Variants in DOCK3 observed in about 807,000 individuals in gnomAD.
The protein encoded by DOCK3 is dedicator of cytokinesis 3.
A neutral mutation model predicts 265.6 loss-of-function variants in DOCK3; 60 were observed. The ratio of observed to expected loss-of-function variants is 0.23; its 90% CI spans 0.18 to 0.28. The LOEUF is 0.28. Ranked by LOEUF, DOCK3 falls within the 10% of genes least tolerant of loss-of-function variation. DOCK3 has a pLI of 1.00. For missense variants in DOCK3, 1,981 were observed against 2,594.3 expected (o/e 0.76, Z 5.14); for synonymous variants, 881 against 938.0 (o/e 0.94, Z 1.11).
intron 5 of DOCK3, among the ~76,000 whole-genome samples, chr3:51,002,026 A>G (rs373899325): frequency 6.6e-6 from 1 of 151,944 alleles, no homozygotes; most frequent in Non-Finnish European, 1.5e-5. Context: ...GCTCACTGCC[A>G]TCTCAAACTC....
intron 1 of DOCK3, among the ~76,000 whole-genome samples, chr3:50,722,247 G>A (rs1420291004): frequency 2.0e-5 from 3 of 152,184 alleles, no homozygotes; most frequent in African/African-American, 7.2e-5. Context: ...AAAGCCTGGG[G>A]CATACAAGGC....
chr3:50,778,295 ATTTG>A (rs930139490), intron 1 of DOCK3, among the ~76,000 whole-genome samples: 1 of 152,086 alleles, frequency 6.6e-6, no homozygotes, highest in Admixed American at 6.6e-5. Context: ...AAAAATATCT[ATTTG>A]TTTGCTTGTG....
At position 51,338,691 on chromosome 3, in the gene DOCK3, C is replaced by T. The variant is rs535834758; in HGVS notation, c.3673-244C>T. On this transcript the variant is annotated intron_variant, in intron 36 of 52. Coordinates refer to ENST00000266037, the MANE Select transcript of DOCK3 (RefSeq NM_004947.5). ...CTGACATACCCAATTCACAGTCAACCCTGACTCCTGATCTGCCCTGATGCT... is the reference window on the plus strand; with the variant it reads ...CTGACATACCCAATTCACAGTCAACTCTGACTCCTGATCTGCCCTGATGCT... 3.9e-5 allele frequency among the ~76,000 whole-genome samples: 6 copies of T among 152,310 alleles called. No homozygotes were observed. In the East Asian group the frequency reaches 1.2e-3, roughly 29 times the overall value.
At chr3:50,880,812 G>A (rs1250026405) in intron 3 of DOCK3, among the ~76,000 whole-genome samples, 2 of 152,160 alleles carry the variant, frequency 1.3e-5, no homozygotes, top group Non-Finnish European at 2.9e-5. Context: ...AAGCCGGGCA[G>A]AGACACAACC....
Position 51,096,148 on chromosome 3 carries a change from T to G in DOCK3, c.746+5764T>G, listed in dbSNP as rs1006642205. Among the ~76,000 whole-genome samples, 9 of 152,260 alleles carry G rather than the reference T, an allele frequency of 5.9e-5. No homozygotes were observed. In the South Asian group the frequency reaches 8.3e-4, roughly 14 times the overall value. On this transcript the variant is annotated intron_variant, in intron 9 of 52. Transcript: ENST00000266037. ...CTTCTCAAGGAGTATCTTTGTGGTG[T>G]TCTCTATATTTCCTGAATTTGAATG...
intron 32 of DOCK3, among the ~76,000 whole-genome samples, chr3:51,328,304 T>A (rs1335938464): frequency 6.6e-6 from 1 of 152,168 alleles, no homozygotes; most frequent in Non-Finnish European, 1.5e-5. Flanking sequence ...TACCACCATG[T>A]GTGAAGAGAG....
intron 2 of DOCK3, among the ~76,000 whole-genome samples, chr3:50,809,810 T>A (rs970489698): frequency 6.6e-6 from 1 of 152,178 alleles, no homozygotes; most frequent in Admixed American, 6.5e-5. Context: ...TTATTATGAT[T>A]TTGTGTACAA....
chr3:51,065,828 G>A (rs1031147883), intron 6 of DOCK3, among the ~76,000 whole-genome samples: 1 of 152,156 alleles, frequency 6.6e-6, no homozygotes, highest in African/African-American at 2.4e-5. Context: ...TTTTAAGTTT[G>A]AATGGACAAT....
intron 5 of DOCK3, among the ~76,000 whole-genome samples, chr3:50,976,025 TTCTC>T (rs370176909): frequency 2.6e-5 from 4 of 151,764 alleles, no homozygotes; most frequent in Admixed American, 6.6e-5. Context: ...TATTTGATTC[TTCTC>T]TCTTTTTTTC....
intron 4 of DOCK3, among the ~76,000 whole-genome samples, chr3:50,905,396 A>G (rs976919657): frequency 6.6e-6 from 1 of 152,130 alleles, no homozygotes; most frequent in Non-Finnish European, 1.5e-5. Flanking sequence ...ATCCATGAGC[A>G]TGGAATGTTC....
chr3:50,929,081 G>A (rs2050921158), intron 4 of DOCK3, among the ~76,000 whole-genome samples: 1 of 152,170 alleles, frequency 6.6e-6, no homozygotes. Flanking sequence ...AACTTACAGT[G>A]GGTTTATGAG....
At chr3:51,153,165 C>T (rs1356298113) in intron 10 of DOCK3, among the ~76,000 whole-genome samples, 1 of 152,226 alleles carries the variant, frequency 6.6e-6, no homozygotes, top group East Asian at 1.9e-4. Context: ...CCCGTTGGAG[C>T]TTCCCCAGCC....
intron 40 of DOCK3, among the ~76,000 whole-genome samples, chr3:51,354,288 G>T (rs1224541347): frequency 2.6e-5 from 4 of 151,158 alleles, no homozygotes; most frequent in African/African-American, 9.8e-5. Context: ...TTGGAGTCAG[G>T]GTCAGGGTAT....
chr3:51,163,119 T>C (rs1414237366), intron 12 of DOCK3, among the ~76,000 whole-genome samples: 1 of 152,250 alleles, frequency 6.6e-6, no homozygotes, highest in Non-Finnish European at 1.5e-5. Context: ...GTTGGTTAGA[T>C]TGAATTGGAA....
chr3:50,780,989 G>A (rs2041879387), intron 2 of DOCK3, among the ~76,000 whole-genome samples: 1 of 151,928 alleles, frequency 6.6e-6, no homozygotes, highest in African/African-American at 2.4e-5. Flanking sequence ...CAGGACTTCA[G>A]TATTTTTTAT....
At chr3:51,209,070 A>G (rs1474520481) in intron 13 of DOCK3, among the ~76,000 whole-genome samples, 2 of 152,170 alleles carry the variant, frequency 1.3e-5, no homozygotes, top group Non-Finnish European at 2.9e-5. Flanking sequence ...TTTTTCTATG[A>G]TGAGTTCCAT....
intron 12 of DOCK3, among the ~76,000 whole-genome samples, chr3:51,202,266 G>A (rs1477498337): frequency 1.3e-4 from 19 of 150,006 alleles, no homozygotes; most frequent in African/African-American, 4.4e-4. Context: ...TTGATAGACT[G>A]CTAGCAAGAC....
chr3:51,178,240 G>A (rs1322701437), intron 12 of DOCK3, among the ~76,000 whole-genome samples: 1 of 152,134 alleles, frequency 6.6e-6, no homozygotes, highest in East Asian at 1.9e-4. Flanking sequence ...TTGATGGAAA[G>A]AGAACATACA....
intron 27 of DOCK3, among the ~76,000 whole-genome samples, chr3:51,296,528 G>C (rs138625771): frequency 0.014 from 2,091 of 150,608 alleles, 22 homozygotes; most frequent in Non-Finnish European, 0.023. Context: ...CTGGGCTGGA[G>C]TGCAGTGGCG....
Sources: allele counts gnomAD v4.1 joint callset (sites outside exome capture counted in the v4.1 genomes callset), GRCh38; gene constraint gnomAD v4.1.1; transcripts MANE v1.5; gene names NCBI Gene and HGNC (gene_info 2026-07-23, HGNC 2026-07-21).